Variants in RASGRP3 observed in about 807,000 individuals in gnomAD.
The protein encoded by RASGRP3 is RAS guanyl releasing protein 3.
RASGRP3 carries 54 observed loss-of-function variants against 82.7 expected under a neutral mutation model. The ratio of observed to expected loss-of-function variants is 0.65; its 90% CI spans 0.52 to 0.82. The LOEUF (loss-of-function observed/expected upper bound fraction) is 0.82. Among genes scored for constraint, RASGRP3 ranks in the 40% least tolerant of loss-of-function variants. The pLI is 0.00. For synonymous variants in RASGRP3, 309 were observed against 300.5 expected, an observed-to-expected ratio of 1.03 and a Z score of -0.29; for missense variants, 861 against 828.9, an observed-to-expected ratio of 1.04 and a Z score of -0.48.
intron 16 of RASGRP3, 86 bp downstream of exon 16, chr2:33,558,422 C>A: frequency 6.3e-7 from 1 of 1,591,746 alleles, no homozygotes; most frequent in Non-Finnish European, 8.6e-7. Flanking sequence ...TGGGTCTAAA[C>A]CCGGTCAGTC....
Position 33,539,321 on chromosome 2 carries a change from C to A in RASGRP3, c.1278+111C>A, listed in dbSNP as rs550445662. 13 of 843,298 alleles carry A rather than the reference C, an allele frequency of 1.5e-5. No homozygotes were observed. In the South Asian group the frequency reaches 2.0e-4, roughly 13 times the overall value. The allele number at this position is 843,298 out of a possible 1,614,324, so 52.2% of individuals were successfully genotyped here. On this transcript the variant is annotated intron_variant, in intron 12 of 17. Coordinates refer to ENST00000403687, the MANE Select transcript of RASGRP3 (RefSeq NM_001139488.2). ...GGAACCCCTGAAAACAACCCTCTGG[C>A]AGGTAGGAACAATTTAGCAGGCACT...
At chr2:33,457,275 C>A (rs996408496) in intron 2 of RASGRP3, among the ~76,000 whole-genome samples, 1 of 152,052 alleles carries the variant, frequency 6.6e-6, no homozygotes, top group African/African-American at 2.4e-5. Context: ...ATATACTCAA[C>A]TAAAATTAGT....
At chr2:33,456,921 T>TTTTGA (rs1666071325) in intron 2 of RASGRP3, among the ~76,000 whole-genome samples, 1 of 150,314 alleles carries the variant, frequency 6.7e-6, no homozygotes. Context: ...TTTTTTTTTT[T>TTTTGA]GAGATGGAGT....
rs1341305659 is a variant in RASGRP3, at chr2:33,562,810, C to A, written c.*73C>A. On this transcript the variant is annotated 3_prime_UTR_variant, in exon 18 of 18. Transcript: ENST00000403687. ...GCAAGACGAGAAACTCTGAAGAAAG[C>A]TCTGACTCTCAGGAAGTTATCTGGA... is the stretch of plus-strand genomic sequence containing the variant. 10 of 1,552,328 alleles carry A rather than the reference C, an allele frequency of 6.4e-6. No individual in the cohort carries two copies. Among genetic ancestry groups the A allele is most frequent in the African/African-American group, 1.4e-5 (1 of 73,518 alleles).
intron 1 of RASGRP3, among the ~76,000 whole-genome samples, chr2:33,506,477 C>A (rs973555992): frequency 2.6e-5 from 4 of 152,160 alleles, no homozygotes; most frequent in Admixed American, 2.6e-4. Context: ...TGAAAGATAA[C>A]ATAGGCAATT....
chr2:33,484,745 A>G (rs1668222320), intron 1 of RASGRP3, among the ~76,000 whole-genome samples: 1 of 152,232 alleles, frequency 6.6e-6, no homozygotes, highest in Non-Finnish European at 1.5e-5. Context: ...AGGTAGACAG[A>G]TTAGCACTCT....
intron 1 of RASGRP3, among the ~76,000 whole-genome samples, chr2:33,438,875 G>C (rs903964355): frequency 6.6e-6 from 1 of 152,164 alleles, no homozygotes; most frequent in Non-Finnish European, 1.5e-5. Flanking sequence ...GGTTACTGAA[G>C]AGACCATATG....
chr2:33,514,677 A>G lies in RASGRP3; in HGVS notation c.-127-333A>G, dbSNP rs147658842. 2.9e-3 allele frequency among the ~76,000 whole-genome samples: 439 copies of G among 152,156 alleles called. 5 individuals are homozygous for G. Among genetic ancestry groups the G allele is most frequent in the African/African-American group, 0.01 (422 of 41,502 alleles). On this transcript the variant is annotated intron_variant, in intron 2 of 17. Transcript: ENST00000403687. ...TCCTGTACTCCAGCCTGGGTGACAA[A>G]GTGAGACTCTGTCTCAAAAACAAGA...
At chr2:33,548,900 G>C (rs914842291) in intron 13 of RASGRP3, among the ~76,000 whole-genome samples, 5 of 152,058 alleles carry the variant, frequency 3.3e-5, no homozygotes, top group Non-Finnish European at 5.9e-5. Flanking sequence ...TGTTGGTCAG[G>C]CTGGTCTTGA....
At chr2:33,480,717 A>T (rs1344255105) in intron 1 of RASGRP3, among the ~76,000 whole-genome samples, 2 of 152,204 alleles carry the variant, frequency 1.3e-5, no homozygotes, top group Non-Finnish European at 2.9e-5. Context: ...GCTTCCAAAA[A>T]GTTAACTTTC....
chr2:33,483,423 T>C (rs574743672), intron 1 of RASGRP3, among the ~76,000 whole-genome samples: 2 of 151,640 alleles, frequency 1.3e-5, no homozygotes, highest in South Asian at 4.2e-4. Context: ...ACTAGTAACA[T>C]AGGGAAAAAA....
intron 2 of RASGRP3, among the ~76,000 whole-genome samples, chr2:33,462,471 G>A (rs956774040): frequency 3.3e-5 from 5 of 150,672 alleles, no homozygotes; most frequent in Non-Finnish European, 5.9e-5. Flanking sequence ...TACACCTCCC[G>A]GGTTCAAGAG....
At chr2:33,462,229 A>G (rs939070738) in intron 2 of RASGRP3, among the ~76,000 whole-genome samples, 1 of 152,144 alleles carries the variant, frequency 6.6e-6, no homozygotes, top group Non-Finnish European at 1.5e-5. Flanking sequence ...GTGAGCTGCC[A>G]TGTGAACCCA....
At chr2:33,444,468 C>G (rs1188317599) in intron 1 of RASGRP3, among the ~76,000 whole-genome samples, 1 of 152,180 alleles carries the variant, frequency 6.6e-6, no homozygotes, top group Non-Finnish European at 1.5e-5. Flanking sequence ...TGTCTCAACT[C>G]AGACTAGCCT....
At chr2:33,556,918 C>CACAG (rs1676036322) in intron 15 of RASGRP3, among the ~76,000 whole-genome samples, 1 of 148,392 alleles carries the variant, frequency 6.7e-6, no homozygotes, top group Non-Finnish European at 1.5e-5. Flanking sequence ...CACACACACA[C>CACAG]ACACACACAC....
intron 8 of RASGRP3, 66 bp from the exon 9 acceptor site, chr2:33,524,366 T>C: frequency 9.3e-7 from 1 of 1,078,002 alleles, no homozygotes; most frequent in Non-Finnish European, 1.3e-6. Flanking sequence ...ATAAATTTAC[T>C]TGTAATTCAG....
At chr2:33,531,945 C>G (rs1673140416) in intron 10 of RASGRP3, 1 of 152,238 alleles carries the variant, frequency 6.6e-6, no homozygotes, top group Non-Finnish European at 1.5e-5. Context: ...CAAGTCTGCA[C>G]TAACTCCTGA....
intron 1 of RASGRP3, among the ~76,000 whole-genome samples, chr2:33,510,470 C>T (rs1484922472): frequency 6.6e-6 from 1 of 152,100 alleles, no homozygotes; most frequent in Non-Finnish European, 1.5e-5. Context: ...AATTGGAGTC[C>T]CTTGCTGGTG....
chr2:33,467,080 T>C (rs73926665), intron 2 of RASGRP3, among the ~76,000 whole-genome samples: 2 of 148,314 alleles, frequency 1.3e-5, no homozygotes, highest in Admixed American at 1.3e-4. Flanking sequence ...ATATATATAT[T>C]AATAAATTCT....
Sources: allele counts gnomAD v4.1 joint callset (sites outside exome capture counted in the v4.1 genomes callset), GRCh38; gene constraint gnomAD v4.1.1; transcripts MANE v1.5; gene names NCBI Gene and HGNC (gene_info 2026-07-23, HGNC 2026-07-21).